Variants in POT1 observed in about 807,000 individuals in gnomAD.
POT1 encodes the protein protection of telomeres protein 1.
Under a neutral mutation model 78.5 loss-of-function variants are expected in POT1, and 47 were observed. The ratio of observed to expected loss-of-function variants is 0.60; its 90% CI spans 0.47 to 0.76. The LOEUF (loss-of-function observed/expected upper bound fraction) is 0.76. Among genes scored for constraint, POT1 ranks in the 30% least tolerant of loss-of-function variants. POT1 has a pLI of 0.00. For synonymous variants in POT1, 259 were observed against 260.7 expected (o/e 0.99, Z 0.06); for missense variants, 646 against 749.9 (o/e 0.86, Z 1.62).
At chr7:124,890,247 A>G (rs566994150) in intron 6 of POT1, among the ~76,000 whole-genome samples, 3 of 151,966 alleles carry the variant, frequency 2.0e-5, no homozygotes, top group Non-Finnish European at 2.9e-5. Context: ...TAGAATTATA[A>G]ATGGAGCCTG....
At chr7:124,894,907 C>G (rs73719078) in intron 5 of POT1, among the ~76,000 whole-genome samples, 1 of 151,684 alleles carries the variant, frequency 6.6e-6, no homozygotes, top group African/African-American at 2.4e-5. Flanking sequence ...ATAGCATATA[C>G]TAGCATTATG....
intron 12 of POT1, 167 bp from the exon 13 acceptor site, chr7:124,843,130 CACTAGCAT>C: frequency 2.2e-6 from 1 of 463,822 alleles, no homozygotes; most frequent in Non-Finnish European, 3.7e-6. Context: ...ACCCAAGGCC[CACTAGCAT>C]AGTGCCAGGC....
intron 6 of POT1, among the ~76,000 whole-genome samples, chr7:124,885,908 T>C (rs960510720): frequency 6.6e-6 from 1 of 152,152 alleles, no homozygotes; most frequent in African/African-American, 2.4e-5. Context: ...CAAAACTGAA[T>C]AGGAATGTTA....
rs565026134 is a variant in POT1, at chr7:124,858,597, A to G, written c.702+360T>C. On this transcript the variant is annotated intron_variant, in intron 9 of 18. Coordinates refer to ENST00000357628, the MANE Select transcript of POT1 (RefSeq NM_015450.3). ...TAATGAACAAAAAGTTATCAGCTAC[A>G]TTCTATCAAACCAGTTTACCAAGCT... 5.9e-5 allele frequency among the ~76,000 whole-genome samples: 9 copies of G among 152,172 alleles called. No homozygotes were observed. The South Asian group carries it at 1.9e-3, about 32-fold the overall frequency.
rs948259490 is a variant in POT1, at chr7:124,863,614, C to T, written c.282G>A (p.Gln94=). 6.2e-7 allele frequency: 1 copy of T among 1,612,314 alleles called. No individual in the cohort carries two copies. Among genetic ancestry groups the T allele is most frequent in the East Asian group, 2.2e-5 (1 of 44,874 alleles). The change falls in exon 8 of 19, where the codon CAG becomes CAA. Residue 94 remains glutamine, a synonymous_variant. Transcript: ENST00000357628. Reference sequence around the variant, plus strand: ...ATGCAAAGCCAGAGCTGGTGATACCCTGAGTCTCCTTTTTATATACTTGAA... The same window carrying T: ...ATGCAAAGCCAGAGCTGGTGATACCTTGAGTCTCCTTTTTATATACTTGAA... ...LKIQVYKKET[Q]GITSSGFASL...
chr7:124,846,259 G>C (rs1006258285), intron 12 of POT1, among the ~76,000 whole-genome samples: 3 of 151,754 alleles, frequency 2.0e-5, no homozygotes, highest in African/African-American at 4.8e-5. Context: ...ATCGACTTCT[G>C]TATTTACCTA....
In POT1 at chr7:124,841,156, C is replaced by A; in HGVS notation, c.1186G>T (p.Asp396Tyr). Residue 396 changes from aspartate to tyrosine, a missense_variant, in exon 14 of 19, where the codon GAT becomes TAT. This residue lies in a region of POT1 where 394 missense variants were observed against 408.4 expected (regional missense o/e 0.96). Coordinates refer to ENST00000357628, the MANE Select transcript of POT1 (RefSeq NM_015450.3). Reference protein sequence around the residue: ...HLLQEVPHEGDLDIIFQDGAT... With the variant: ...HLLQEVPHEGYLDIIFQDGAT... Reference sequence around the variant, plus strand: ...CCATCCTGAAAAATTATATCCAAATCGCCCTCATGTGGAACTTCTTGCCTA... The same window carrying A: ...CCATCCTGAAAAATTATATCCAAATAGCCCTCATGTGGAACTTCTTGCCTA... 1 of 1,612,052 alleles carries A rather than the reference C, an allele frequency of 6.2e-7. No homozygotes were observed. Among genetic ancestry groups the A allele is most frequent in the Non-Finnish European group, 8.5e-7 (1 of 1,178,874 alleles).
chr7:124,823,983 T>C lies in POT1; in HGVS notation c.1884A>G (p.Thr628=), dbSNP rs17147565. 3 of 1,588,380 alleles carry C rather than the reference T, an allele frequency of 1.9e-6. No homozygotes were observed. The Admixed American group carries it at 5.0e-5, about 27-fold the overall frequency. The change falls in exon 19 of 19, where the codon ACA becomes ACG. Residue 628 remains threonine, a synonymous_variant. Coordinates refer to ENST00000357628, the MANE Select transcript of POT1 (RefSeq NM_015450.3). ...AATATTAGATTACATCTTCTGCAAC[T>C]GTGGTGTCAAAAATCTGATAGCAAA... ...NQICYQIFDT[T]VAEDVI
intron 6 of POT1, among the ~76,000 whole-genome samples, chr7:124,886,192 C>G (rs971078288): frequency 6.6e-6 from 1 of 152,084 alleles, no homozygotes; most frequent in East Asian, 1.9e-4. Flanking sequence ...TGAATTTTCA[C>G]GAAAAATTCT....
chr7:124,870,705 G>T (rs1795846725), intron 7 of POT1, among the ~76,000 whole-genome samples: 1 of 152,076 alleles, frequency 6.6e-6, no homozygotes. Context: ...CATTTCTGGG[G>T]AATGAAAGCA....
chr7:124,862,472 T>C (rs576914524), intron 8 of POT1, among the ~76,000 whole-genome samples: 1 of 152,332 alleles, frequency 6.6e-6, no homozygotes, highest in Non-Finnish European at 1.5e-5. Flanking sequence ...ATTTGACTTA[T>C]TTAACTTTCT....
chr7:124,846,187 CT>C (rs1795162703), intron 12 of POT1, among the ~76,000 whole-genome samples: 2 of 54,344 alleles, frequency 3.7e-5, no homozygotes. Flanking sequence ...ACACACACCC[CT>C]ATAATATAAA....
At chr7:124,830,181 G>C (rs929544203) in intron 15 of POT1, among the ~76,000 whole-genome samples, 2 of 152,004 alleles carry the variant, frequency 1.3e-5, no homozygotes, top group Non-Finnish European at 2.9e-5. Context: ...ATAAATCTAA[G>C]ACTACACAAT....
At chr7:124,926,094 A>G (rs1428972905) in intron 2 of POT1, among the ~76,000 whole-genome samples, 1 of 152,210 alleles carries the variant, frequency 6.6e-6, no homozygotes, top group Non-Finnish European at 1.5e-5. Flanking sequence ...ATAAAAACAC[A>G]AATAGACAAA....
intron 14 of POT1, among the ~76,000 whole-genome samples, chr7:124,838,309 G>A (rs1310581194): frequency 1.3e-5 from 2 of 151,714 alleles, no homozygotes; most frequent in Admixed American, 1.3e-4. Context: ...TTATAGCAAC[G>A]GTAGAGGATA....
In POT1 at chr7:124,835,422, G is replaced by T; in HGVS notation, c.1370-8C>A. 1 of 1,608,932 alleles carries T rather than the reference G, an allele frequency of 6.2e-7. No individual in the cohort carries two copies. Among genetic ancestry groups the T allele is most frequent in the East Asian group, 2.2e-5 (1 of 44,806 alleles). Reference sequence around the variant, plus strand: ...TTTCACTGAGTGTACCTCCTGTTAAGAGAATAAATAAATCCTTCAAGTAGT... The same window carrying T: ...TTTCACTGAGTGTACCTCCTGTTAATAGAATAAATAAATCCTTCAAGTAGT... On this transcript the variant is annotated splice_region_variant and splice_polypyrimidine_tract_variant and intron_variant, in intron 14 of 18. Coordinates refer to ENST00000357628, the MANE Select transcript of POT1 (RefSeq NM_015450.3).
intron 15 of POT1, among the ~76,000 whole-genome samples, chr7:124,829,701 T>TCTATAA (rs1249918372): frequency 2.1e-5 from 3 of 144,342 alleles, no homozygotes; most frequent in Admixed American, 1.4e-4. Context: ...GATTCTATGA[T>TCTATAA]CTATATCTAT....
At chr7:124,916,841 C>A (rs1486426592) in intron 2 of POT1, among the ~76,000 whole-genome samples, 1 of 152,124 alleles carries the variant, frequency 6.6e-6, no homozygotes, top group Non-Finnish European at 1.5e-5. Flanking sequence ...CTCTACAGAC[C>A]TGACAAGGTT....
At chr7:124,857,144 C>A (rs1795466376) in intron 9 of POT1, among the ~76,000 whole-genome samples, 1 of 152,208 alleles carries the variant, frequency 6.6e-6, no homozygotes, top group South Asian at 2.1e-4. Context: ...TTTGCTACTC[C>A]ATGGCCACTG....
Sources: gnomAD v4.1 joint callset for allele counts (sites outside exome capture counted in the v4.1 genomes callset) on GRCh38, gnomAD v4.1.1 for gene constraint, gnomAD v4.1.1 regional missense constraint, MANE v1.5 for transcripts, NCBI Gene and HGNC (gene_info 2026-07-23, HGNC 2026-07-21) for gene names.